Variants in HS3ST4 observed in about 807,000 individuals in gnomAD.
The protein encoded by HS3ST4 is heparan sulfate-glucosamine 3-sulfotransferase 4, also known as heparan sulfate glucosamine 3-O-sulfotransferase 4.
Under a neutral mutation model 29.2 loss-of-function variants are expected in HS3ST4, and 17 were observed. The observed-to-expected ratio is 0.58, with a 90% CI of 0.40 to 0.87. The LOEUF is 0.87. Among genes scored for constraint, HS3ST4 ranks in the 40% least tolerant of loss-of-function variants. HS3ST4 has a pLI of 0.00. For synonymous variants in HS3ST4, 314 were observed against 285.7 expected (o/e 1.10, Z -1.00); for missense variants, 627 against 634.5 (o/e 0.99, Z 0.13).
intron 1 of HS3ST4, among the ~76,000 whole-genome samples, chr16:25,737,872 A>G (rs1226597128): frequency 6.7e-6 from 1 of 149,344 alleles, no homozygotes; most frequent in Non-Finnish European, 1.5e-5. Context: ...ATTTCCTGAT[A>G]TTGTGAGGAA....
At chr16:25,732,742 G>A (rs1966579085) in intron 1 of HS3ST4, among the ~76,000 whole-genome samples, 1 of 152,180 alleles carries the variant, frequency 6.6e-6, no homozygotes, top group Admixed American at 6.5e-5. Flanking sequence ...CTGGAAGGAG[G>A]CAGTATAGCA....
At chr16:25,848,370 C>T (rs577089217) in intron 1 of HS3ST4, among the ~76,000 whole-genome samples, 2 of 152,162 alleles carry the variant, frequency 1.3e-5, no homozygotes, top group East Asian at 1.9e-4. Flanking sequence ...AAACTCCTGA[C>T]ATCAAATGAT....
intron 1 of HS3ST4, among the ~76,000 whole-genome samples, chr16:25,956,572 C>A (rs908984899): frequency 6.6e-6 from 1 of 152,278 alleles, no homozygotes; most frequent in Middle Eastern, 3.4e-3. Flanking sequence ...AAATACTCCT[C>A]CAAAAGATGT....
chr16:25,904,243 G>A lies in HS3ST4; in HGVS notation c.734+211092G>A, dbSNP rs544942789. 1.6e-4 allele frequency among the ~76,000 whole-genome samples: 24 copies of A among 152,200 alleles called. No individual in the cohort carries two copies. The East Asian group carries it at 3.1e-3, about 20-fold the overall frequency. ...GGATGGATGGATGAATGGATGAATGGATGGATGGAAGAATGGATGGATGAG... is the reference window on the plus strand; with the variant it reads ...GGATGGATGGATGAATGGATGAATGAATGGATGGAAGAATGGATGGATGAG... On this transcript the variant is annotated intron_variant, in intron 1 of 1. Transcript: ENST00000331351.
In HS3ST4 at chr16:25,953,267, A is replaced by G. The variant is rs893191357; in HGVS notation, c.735-182345A>G. On this transcript the variant is annotated intron_variant, in intron 1 of 1. Transcript: ENST00000331351. ...CCAGGGAAGATCTTTGTGAAATGCT[A>G]TTTATGCTTCATCAGGAACCCAAAC... 1.6e-4 allele frequency among the ~76,000 whole-genome samples: 25 copies of G among 152,218 alleles called. 1 individual carries two copies. The highest frequency in any genetic ancestry group is 5.8e-4 in the African/African-American group (24 of 41,536).
At chr16:26,039,151 A>G (rs1041828653) in intron 1 of HS3ST4, among the ~76,000 whole-genome samples, 1 of 152,232 alleles carries the variant, frequency 6.6e-6, no homozygotes, top group African/African-American at 2.4e-5. Context: ...ATACACTTCT[A>G]TAATAATGCT....
At chr16:26,055,791 T>C (rs546506922) in intron 1 of HS3ST4, among the ~76,000 whole-genome samples, 6 of 152,150 alleles carry the variant, frequency 3.9e-5, no homozygotes, top group African/African-American at 7.2e-5. Flanking sequence ...TATGCTGATA[T>C]ATTGTAGCTC....
chr16:26,114,166 A>C (rs1192111667), intron 1 of HS3ST4, among the ~76,000 whole-genome samples: 1 of 152,148 alleles, frequency 6.6e-6, no homozygotes, highest in Admixed American at 6.5e-5. Flanking sequence ...GTGTGGGGCA[A>C]GTGGCAGGAC....
chr16:26,061,302 C>G (rs1409128310), intron 1 of HS3ST4, among the ~76,000 whole-genome samples: 1 of 152,226 alleles, frequency 6.6e-6, no homozygotes, highest in African/African-American at 2.4e-5. Flanking sequence ...CGTTGTCTTC[C>G]TTTAACAGGA....
intron 1 of HS3ST4, among the ~76,000 whole-genome samples, chr16:25,794,276 T>C (rs1251445371): frequency 6.6e-6 from 1 of 152,146 alleles, no homozygotes; most frequent in African/African-American, 2.4e-5. Flanking sequence ...GATACTTCTC[T>C]GTAAAGTCAG....
chr16:26,011,703 T>A (rs373755868), intron 1 of HS3ST4, among the ~76,000 whole-genome samples: 247 of 100,348 alleles, frequency 2.5e-3, no homozygotes, highest in African/African-American at 3.4e-3. Flanking sequence ...TGTGTGTGTG[T>A]GAGAGAGAGA....
At chr16:25,800,423 C>T (rs1966921804) in intron 1 of HS3ST4, among the ~76,000 whole-genome samples, 1 of 143,828 alleles carries the variant, frequency 7.0e-6, no homozygotes, top group Non-Finnish European at 1.6e-5. Context: ...TCTCTCCCTT[C>T]CCCCTACTTT....
chr16:25,904,201 TGGATGGATGGATGGAC>T (rs1968157465), intron 1 of HS3ST4, among the ~76,000 whole-genome samples: 2 of 151,874 alleles, frequency 1.3e-5, no homozygotes, highest in Non-Finnish European at 2.9e-5. Flanking sequence ...GACAGATGAA[TGGATGGATGGATGGAC>T]GGATGGATGG....
chr16:26,041,356 G>GATA (rs201273713), intron 1 of HS3ST4, among the ~76,000 whole-genome samples: 2,489 of 151,274 alleles, frequency 0.016, 62 homozygotes, highest in African/African-American at 0.055. Context: ...TAATAATAAT[G>GATA]ATAATAATAA....
intron 1 of HS3ST4, among the ~76,000 whole-genome samples, chr16:25,931,347 G>A (rs1236209561): frequency 3.9e-5 from 6 of 152,174 alleles, no homozygotes; most frequent in African/African-American, 1.2e-4. Context: ...AACAGTGAAC[G>A]AATGTCCCCC....
chr16:25,847,963 T>C (rs963030104), intron 1 of HS3ST4, among the ~76,000 whole-genome samples: 2 of 152,148 alleles, frequency 1.3e-5, no homozygotes. Context: ...TAAAATACAA[T>C]TTGGTTTTTG....
At chr16:26,026,797 T>C (rs1969480097) in intron 1 of HS3ST4, among the ~76,000 whole-genome samples, 1 of 152,170 alleles carries the variant, frequency 6.6e-6, no homozygotes, top group Non-Finnish European at 1.5e-5. Context: ...CTGAGTCTGA[T>C]ATGAGAAATG....
At chr16:25,920,598 C>CCA (rs1200073936) in intron 1 of HS3ST4, among the ~76,000 whole-genome samples, 2 of 127,006 alleles carry the variant, frequency 1.6e-5, no homozygotes, top group African/African-American at 7.5e-5. Flanking sequence ...TCACTGCCGC[C>CCA]CCCACCCCTC....
chr16:25,775,597 C>A (rs1966846913), intron 1 of HS3ST4, among the ~76,000 whole-genome samples: 1 of 152,204 alleles, frequency 6.6e-6, no homozygotes, highest in African/African-American at 2.4e-5. Flanking sequence ...ATCACTTTCC[C>A]CTGAATTCTT....
Sources: gnomAD v4.1 joint callset for allele counts (sites outside exome capture counted in the v4.1 genomes callset) on GRCh38, gnomAD v4.1.1 for gene constraint, MANE v1.5 for transcripts, NCBI Gene and HGNC (gene_info 2026-07-23, HGNC 2026-07-21) for gene names.